Variants in NME9 observed in about 807,000 individuals in gnomAD.
NME9 encodes NME/NM23 family member 9.
NME9 carries 48 observed loss-of-function variants against 44.4 expected under a neutral mutation model. The ratio of observed to expected loss-of-function variants is 1.08; its 90% CI spans 0.86 to 1.37. NME9 has a LOEUF of 1.37. Among genes scored for constraint, NME9 ranks in the 40% most tolerant of loss-of-function variants. The pLI is 0.00. For synonymous variants in NME9, 139 were observed against 147.1 expected (o/e 0.94, Z 0.40); for missense variants, 325 against 405.2 (o/e 0.80, Z 1.70).
chr3:138,271,910 C>T (rs149943007), intron 8 of NME9, among the ~76,000 whole-genome samples: 2 of 151,932 alleles, frequency 1.3e-5, no homozygotes, highest in Non-Finnish European at 2.9e-5. Flanking sequence ...ATTCTTGTGC[C>T]TCAACCTCCT....
Position 138,321,653 on chromosome 3 carries a change from A to G in NME9, c.92-2072T>C, listed in dbSNP as rs35831053. 3.8e-4 allele frequency among the ~76,000 whole-genome samples: 58 copies of G among 152,286 alleles called. No homozygotes were observed. In the Middle Eastern group the frequency reaches 0.01, roughly 27 times the overall value. On this transcript the variant is annotated intron_variant, in intron 2 of 10. Transcript: ENST00000333911. ...AAGACGCATGAATTCAGCAGTGTTCATTGGTTTAGCCATGTAGCACAATTT... is the reference window on the plus strand; with the variant it reads ...AAGACGCATGAATTCAGCAGTGTTCGTTGGTTTAGCCATGTAGCACAATTT...
At chr3:138,300,651 C>A (rs1297561138), downstream of NME9, among the ~76,000 whole-genome samples, 1 of 152,196 alleles carries the variant, frequency 6.6e-6, no homozygotes, top group Admixed American at 6.5e-5. Flanking sequence ...TCAGTGGGAG[C>A]TGAAGGCAAC....
intron 8 of NME9, among the ~76,000 whole-genome samples, chr3:138,291,509 G>A (rs1577061321): frequency 6.6e-6 from 1 of 152,154 alleles, no homozygotes; most frequent in Admixed American, 6.6e-5. Context: ...ATATAATGGT[G>A]AATAAAATTG....
intron 6 of NME9, among the ~76,000 whole-genome samples, chr3:138,309,060 G>A (rs568125676): frequency 3.2e-4 from 48 of 152,170 alleles, no homozygotes; most frequent in African/African-American, 1.2e-3. Context: ...GGAGGCTGAG[G>A]TGGGCAGATC....
chr3:138,262,646 A>G (rs1328726579), intron 8 of NME9: 23 of 1,491,074 alleles, frequency 1.5e-5, no homozygotes, highest in Admixed American at 2.4e-5. Context: ...TGGAGAATCT[A>G]ATTTAATTGG....
rs892803558 is a variant in NME9 at position 138,329,309 on chromosome 3, G to T, written c.27C>A (p.Ala9=). 9.8e-6 allele frequency: 15 copies of T among 1,536,004 alleles called. No individual in the cohort carries two copies. The highest frequency in any genetic ancestry group is 1.3e-5 in the Non-Finnish European group (15 of 1,146,854). The change falls in exon 1 of 11, where the codon GCC becomes GCA. Residue 9 remains alanine, a synonymous_variant. Transcript: ENST00000333911. MGSRKKEI[A]LQVNISTQEL... is the part of the protein sequence containing the mutation. ...AGCGCCCCTTGAGGCTTACCTGCAGGGCAATTTCCTTCTTCCTGCTGCCCA... is the reference window on the plus strand; with the variant it reads ...AGCGCCCCTTGAGGCTTACCTGCAGTGCAATTTCCTTCTTCCTGCTGCCCA...
chr3:138,328,425 C>T (rs1005760463), intron 1 of NME9, among the ~76,000 whole-genome samples: 2 of 147,206 alleles, frequency 1.4e-5, no homozygotes, highest in African/African-American at 2.5e-5. Context: ...AACCACTAGG[C>T]TTTTGAAATC....
chr3:138,325,820 A>G (rs970469254), intron 1 of NME9, among the ~76,000 whole-genome samples: 1 of 135,140 alleles, frequency 7.4e-6, no homozygotes, highest in Admixed American at 7.5e-5. Context: ...TTTTTTAGGT[A>G]TTTGGAAGCA....
At chr3:138,279,781 G>A (rs1480876655) in intron 8 of NME9, among the ~76,000 whole-genome samples, 2 of 152,192 alleles carry the variant, frequency 1.3e-5, no homozygotes, top group East Asian at 3.9e-4. Flanking sequence ...GTCTTTCAAG[G>A]AATTTGTTCA....
chr3:138,306,141 A>G (rs1422640155), intron 7 of NME9, 45 bp from the exon 8 acceptor site: 17 of 1,342,904 alleles, frequency 1.3e-5, no homozygotes, highest in Non-Finnish European at 1.8e-5. Flanking sequence ...ATCAAGCCCA[A>G]ATTCACATTG....
intron 10 of NME9, among the ~76,000 whole-genome samples, chr3:138,303,022 AAAC>A (rs1323092098): frequency 1.3e-5 from 2 of 152,218 alleles, no homozygotes; most frequent in Non-Finnish European, 2.9e-5. Flanking sequence ...GGAAGGTCCT[AAAC>A]AACGGTCATG....
At chr3:138,273,277 CGTAGGT>C (rs1358018909) in intron 8 of NME9, among the ~76,000 whole-genome samples, 1 of 152,206 alleles carries the variant, frequency 6.6e-6, no homozygotes, top group Non-Finnish European at 1.5e-5. Context: ...CTGTCACCTT[CGTAGGT>C]GTTCTGGGAG....
intron 8 of NME9, among the ~76,000 whole-genome samples, chr3:138,294,245 G>T (rs1398252902): frequency 6.6e-6 from 1 of 152,144 alleles, no homozygotes; most frequent in Non-Finnish European, 1.5e-5. Context: ...TTGATCCTTT[G>T]ACTTTCAGAT....
intron 1 of NME9, among the ~76,000 whole-genome samples, chr3:138,326,384 G>A (rs1240249426): frequency 2.0e-5 from 3 of 152,078 alleles, no homozygotes; most frequent in African/African-American, 7.2e-5. Flanking sequence ...TTTGTGGTGA[G>A]CTACTTTGAA....
chr3:138,270,886 T>C (rs548273888), intron 8 of NME9, among the ~76,000 whole-genome samples: 1 of 152,214 alleles, frequency 6.6e-6, no homozygotes, highest in African/African-American at 2.4e-5. Flanking sequence ...AAAACATATT[T>C]ATACTATTTA....
intron 8 of NME9, among the ~76,000 whole-genome samples, chr3:138,268,762 C>T (rs977829419): frequency 2.5e-4 from 38 of 151,448 alleles, no homozygotes; most frequent in Admixed American, 2.2e-3. Context: ...GGCTTCAGAG[C>T]GAGACCCTGT....
intron 4 of NME9, among the ~76,000 whole-genome samples, chr3:138,315,881 G>A (rs1037456546): frequency 6.6e-6 from 1 of 152,000 alleles, no homozygotes; most frequent in Non-Finnish European, 1.5e-5. Context: ...GCCCAGGCTG[G>A]AGTGCAGTGG....
intron 10 of NME9, among the ~76,000 whole-genome samples, chr3:138,302,603 C>T (rs1295224100): frequency 6.6e-6 from 1 of 152,230 alleles, no homozygotes; most frequent in East Asian, 1.9e-4. Flanking sequence ...GTGGCACGCT[C>T]AGCTTGTTCC....
chr3:138,295,648 C>A (rs1452758782), intron 8 of NME9, among the ~76,000 whole-genome samples: 2 of 152,222 alleles, frequency 1.3e-5, no homozygotes, highest in African/African-American at 4.8e-5. Flanking sequence ...TCTGAGAGAT[C>A]CACAGGAAGA....
Sources: gnomAD v4.1 joint callset for allele counts (sites outside exome capture counted in the v4.1 genomes callset) on GRCh38, gnomAD v4.1.1 for gene constraint, MANE v1.5 for transcripts, NCBI Gene and HGNC (gene_info 2026-07-23, HGNC 2026-07-21) for gene names.